Variants in IARS1 observed in about 807,000 individuals in gnomAD.
IARS1 encodes isoleucine--tRNA ligase, cytoplasmic.
IARS1 carries 124 observed loss-of-function variants against 168.2 expected under a neutral mutation model. That is an observed-to-expected ratio of 0.74 (90% CI 0.64 to 0.86). The LOEUF (loss-of-function observed/expected upper bound fraction) is 0.86. Among genes scored for constraint, IARS1 ranks in the 40% least tolerant of loss-of-function variants. The pLI, the probability that IARS1 is intolerant of heterozygous loss-of-function variation, is 0.00. For missense variants in IARS1, 1,452 were observed against 1,515.8 expected, an observed-to-expected ratio of 0.96 and a Z score of 0.70; for synonymous variants, 532 against 529.4, an observed-to-expected ratio of 1.00 and a Z score of -0.07.
chr9:92,267,071 G>A (rs1832386080), intron 14 of IARS1, among the ~76,000 whole-genome samples: 1 of 152,138 alleles, frequency 6.6e-6, no homozygotes, highest in African/African-American at 2.4e-5. Context: ...ACATTATGTG[G>A]TGCATGACTA....
chr9:92,252,169 G>T (rs1334494813), intron 21 of IARS1, among the ~76,000 whole-genome samples: 4 of 152,050 alleles, frequency 2.6e-5, no homozygotes, highest in Non-Finnish European at 5.9e-5. Flanking sequence ...CCTAACTGTA[G>T]GACCCGAAGG....
intron 10 of IARS1, 65 bp from the exon 11 acceptor site, chr9:92,271,720 T>C (rs41276819): frequency 3.2e-4 from 482 of 1,525,630 alleles, no homozygotes; most frequent in Middle Eastern, 5.1e-4. Context: ...CATGAGGTAA[T>C]AGATTCCCAA....
chr9:92,247,628 G>T, intron 25 of IARS1, 77 bp from the exon 26 acceptor site: 1 of 1,288,836 alleles, frequency 7.8e-7, no homozygotes, highest in Non-Finnish European at 1.1e-6. Context: ...GTCCACAGCA[G>T]CATTATTCCT....
chr9:92,278,758 G>A (rs1834110423), intron 7 of IARS1, among the ~76,000 whole-genome samples: 1 of 152,058 alleles, frequency 6.6e-6, no homozygotes, highest in African/African-American at 2.4e-5. Flanking sequence ...ATCTGATTTT[G>A]TAGCTTTTCA....
intron 19 of IARS1, 95 bp from the exon 20 acceptor site, chr9:92,256,895 G>C: frequency 8.1e-7 from 1 of 1,228,822 alleles, no homozygotes; most frequent in Non-Finnish European, 1.1e-6. Flanking sequence ...AAAACAAAAA[G>C]AAAAAATCCC....
At chr9:92,271,264 G>A (rs377095338) in intron 11 of IARS1, among the ~76,000 whole-genome samples, 188 bp from the exon 12 acceptor site, 12 of 151,892 alleles carry the variant, frequency 7.9e-5, no homozygotes, top group Non-Finnish European at 1.6e-4. Context: ...AAAGTTTTTC[G>A]ATCTGAAATG....
rs570602257 is a variant in IARS1, at chr9:92,212,861, C to A, written c.3707-1972G>T. Among the ~76,000 whole-genome samples, 11 of 152,046 alleles carry A rather than the reference C, an allele frequency of 7.2e-5. No individual in the cohort carries two copies. In the South Asian group the frequency reaches 2.3e-3, roughly 32 times the overall value. On this transcript the variant is annotated intron_variant, in intron 33 of 33. Transcript: ENST00000443024. Reference sequence around the variant, plus strand: ...TTGTGTGGAAGGGAAGATTCTGAGGCATAAGAGAATAAGGAGCTTTGGGGG... The same window carrying A: ...TTGTGTGGAAGGGAAGATTCTGAGGAATAAGAGAATAAGGAGCTTTGGGGG...
chr9:92,285,554 T>G (rs1835306261), intron 6 of IARS1, among the ~76,000 whole-genome samples, 168 bp downstream of exon 6: 1 of 152,198 alleles, frequency 6.6e-6, no homozygotes, highest in African/African-American at 2.4e-5. Context: ...AGAGCCTTAG[T>G]ATACTAACTG....
At chr9:92,271,321 T>G (rs563081200) in intron 11 of IARS1, among the ~76,000 whole-genome samples, 2 of 152,276 alleles carry the variant, frequency 1.3e-5, no homozygotes, top group South Asian at 4.1e-4. Flanking sequence ...GAACTGGAGT[T>G]TTTCTGATCT....
In IARS1 at chr9:92,271,645, C is replaced by T. The variant is rs150135423; in HGVS notation, c.1001G>A (p.Arg334Gln). The T allele has an allele frequency of 1.1e-5, 17 of 1,613,872 alleles. No individual in the cohort carries two copies. Among genetic ancestry groups the T allele is most frequent in the African/African-American group, 4.0e-5 (3 of 74,994 alleles). The part of the protein sequence containing the change: ...QAPYFGAEDY[R>Q]VCMDFNIIRK... ...AATAATGTTAAAGTCCATACAGACC[C>T]GATAGTCCTCCTGAGAAAAGGCAAA... Residue 334 changes from arginine to glutamine, a missense_variant, in exon 11 of 34, where the codon CGG becomes CAG. By Grantham distance (43) the Arg-to-Gln change is conservative. Transcript: ENST00000443024.
intron 18 of IARS1, 139 bp downstream of exon 18, chr9:92,260,012 C>A: frequency 1.6e-6 from 1 of 637,764 alleles, no homozygotes; most frequent in South Asian, 2.1e-5. Context: ...AACAACCATA[C>A]CAACATAACA....
intron 32 of IARS1, among the ~76,000 whole-genome samples, 166 bp from the exon 33 acceptor site, chr9:92,222,838 A>C (rs1839867968): frequency 1.3e-5 from 2 of 152,084 alleles, no homozygotes; most frequent in African/African-American, 2.4e-5. Flanking sequence ...ACAGCTCTCA[A>C]CATTTCATAG....
Position 92,223,402 on chromosome 9 carries a change from G to T in IARS1, c.3497C>A (p.Ser1166Tyr), listed in dbSNP as rs1825118362. 1.2e-6 allele frequency: 2 copies of T among 1,613,942 alleles called. No individual in the cohort carries two copies. Among genetic ancestry groups the T allele is most frequent in the African/African-American group, 2.7e-5 (2 of 75,046 alleles). ...AGSAPSLINSSSTLLCQYINL... is the reference protein window; with the variant it reads ...AGSAPSLINSYSTLLCQYINL... Reference sequence around the variant, plus strand: ...GATATACTGACAAAGAAGAGTACTAGAACTGTTGATCAGAGAGGGAGCCGA... The same window carrying T: ...GATATACTGACAAAGAAGAGTACTATAACTGTTGATCAGAGAGGGAGCCGA... Residue 1166 changes from serine to tyrosine, a missense_variant, in exon 32 of 34, where the codon TCT becomes TAT. Transcript: ENST00000443024.
rs1389254865 is a variant in IARS1 at position 92,263,730 on chromosome 9, T to C, written c.1701-675A>G. ...GAGGAGCCCTGGTGCCCAGGAGAGG[T>C]AGCCCAGGCCTCAGGAATGGAGAAG... is the stretch of plus-strand genomic sequence containing the variant. On this transcript the variant is annotated intron_variant, in intron 16 of 33. Coordinates refer to ENST00000443024, the MANE Select transcript of IARS1 (RefSeq NM_002161.6). Among the ~76,000 whole-genome samples the C allele has an allele frequency of 6.6e-5, 10 of 152,166 alleles. No individual in the cohort carries two copies. In the East Asian group the frequency reaches 1.9e-3, roughly 29 times the overall value.
At chr9:92,291,947 C>T (rs1411430447) in intron 1 of IARS1, among the ~76,000 whole-genome samples, 1 of 151,880 alleles carries the variant, frequency 6.6e-6, no homozygotes, top group Non-Finnish European at 1.5e-5. Context: ...AACAATTATT[C>T]AGGAATATCT....
rs747155070 is a variant in IARS1 at position 92,287,809 on chromosome 9, T to A, written c.378A>T (p.Arg126Ser). Residue 126 changes from arginine to serine, a missense_variant, in exon 4 of 34, where the codon AGA (arginine) becomes AGT (serine). Transcript: ENST00000443024. The stretch of plus-strand genomic sequence containing the variant: ...AACATACCTTCCACTCAGCAGAATA[T>A]CTCATCACAATTGCTCGGCACTGAT... Reference protein sequence around the residue: ...YNNQCRAIVMRYSAEWKSTVS... With the variant: ...YNNQCRAIVMSYSAEWKSTVS... The A allele has an allele frequency of 1.9e-6, 3 of 1,613,254 alleles. No individual in the cohort carries two copies. Among genetic ancestry groups the A allele is most frequent in the South Asian group, 2.2e-5 (2 of 90,880 alleles).
chr9:92,216,860 TCAA>T (rs1266807211), intron 33 of IARS1, among the ~76,000 whole-genome samples: 1 of 146,702 alleles, frequency 6.8e-6, no homozygotes, highest in Non-Finnish European at 1.5e-5. Context: ...ATTAGACAGA[TCAA>T]CGAGACAGAA....
intron 18 of IARS1, among the ~76,000 whole-genome samples, chr9:92,259,229 A>G (rs1831178084): frequency 6.6e-6 from 1 of 152,214 alleles, no homozygotes; most frequent in Non-Finnish European, 1.5e-5. Flanking sequence ...AAAATATGGC[A>G]CTGTATAGCA....
chr9:92,253,242 C>A, intron 21 of IARS1, 120 bp downstream of exon 21: 5 of 684,468 alleles, frequency 7.3e-6, no homozygotes, highest in East Asian at 2.6e-5. Context: ...AAAAGAAAAA[C>A]AAAGCTTCAA....
Sources: gnomAD v4.1 joint callset for allele counts (sites outside exome capture counted in the v4.1 genomes callset) on GRCh38, gnomAD v4.1.1 for gene constraint, MANE v1.5 for transcripts, NCBI Gene and HGNC (gene_info 2026-07-23, HGNC 2026-07-21) for gene names.